The following CCDC25 variants were observed in gnomAD, a reference collection of about 807,000 sequenced individuals.
CCDC25 encodes coiled-coil domain containing 25.
CCDC25 carries 16 observed loss-of-function variants against 35.3 expected under a neutral mutation model. The observed-to-expected ratio is 0.45, with a 90% CI of 0.31 to 0.69. The LOEUF (loss-of-function observed/expected upper bound fraction) is 0.69. Ranked by LOEUF, CCDC25 falls within the 30% of genes least tolerant of loss-of-function variation. CCDC25 has a pLI of 0.06. For synonymous variants in CCDC25, 79 were observed against 80.3 expected, an observed-to-expected ratio of 0.98 and a Z score of 0.09; for missense variants, 179 against 250.7, an observed-to-expected ratio of 0.71 and a Z score of 1.93.
intron 3 of CCDC25, among the ~76,000 whole-genome samples, chr8:27,760,415 G>C (rs1191492241): frequency 6.6e-6 from 1 of 152,164 alleles, no homozygotes; most frequent in Non-Finnish European, 1.5e-5. Flanking sequence ...ATTCCCATGA[G>C]AGTCTGGAGA....
At chr8:27,761,957 T>C (rs944212709) in intron 3 of CCDC25, among the ~76,000 whole-genome samples, 11 of 152,118 alleles carry the variant, frequency 7.2e-5, no homozygotes, top group Admixed American at 6.5e-4. Context: ...CGGGGTTGGA[T>C]CAAGACAGAG....
intron 4 of CCDC25, 140 bp downstream of exon 4, chr8:27,756,579 G>A (rs966678153): frequency 6.6e-5 from 41 of 621,904 alleles, no homozygotes; most frequent in South Asian, 2.2e-4. Context: ...TGGGTCAGAG[G>A]GAAGACACGT....
chr8:27,772,569 C>T lies in CCDC25; in HGVS notation c.-29G>A. On this transcript the variant is annotated 5_prime_UTR_variant, in exon 1 of 9. Transcript: ENST00000356537. ...CCCGGGAGCGGTGCGGTGACTCCACCGCGGAGCAGCAGCGCTCAACTCACG... is the reference window on the plus strand; with the variant it reads ...CCCGGGAGCGGTGCGGTGACTCCACTGCGGAGCAGCAGCGCTCAACTCACG... 5 of 1,547,976 alleles carry T rather than the reference C, an allele frequency of 3.2e-6. No individual in the cohort carries two copies. Among genetic ancestry groups the T allele is most frequent in the Non-Finnish European group, 4.4e-6 (5 of 1,145,840 alleles).
chr8:27,748,427 G>T (rs572117238), intron 6 of CCDC25, 68 bp downstream of exon 6: 3 of 1,365,080 alleles, frequency 2.2e-6, no homozygotes, highest in Non-Finnish European at 3.1e-6. Context: ...AATGGTGTCA[G>T]ACAGAAAAGA....
chr8:27,759,868 T>C (rs1311871825), intron 3 of CCDC25, among the ~76,000 whole-genome samples: 1 of 151,954 alleles, frequency 6.6e-6, no homozygotes, highest in Non-Finnish European at 1.5e-5. Context: ...CAGGAGGTTT[T>C]CCGGGATAAA....
At chr8:27,764,085 T>A (rs913694872) in intron 2 of CCDC25, among the ~76,000 whole-genome samples, 1 of 152,184 alleles carries the variant, frequency 6.6e-6, no homozygotes, top group Non-Finnish European at 1.5e-5. Context: ...TCCACTTAAA[T>A]TGATGTTTCT....
chr8:27,772,500 G>A lies in CCDC25; in HGVS notation c.28+13C>T, dbSNP rs1804665114. On this transcript the variant is annotated intron_variant, in intron 1 of 8. Coordinates refer to ENST00000356537, the MANE Select transcript of CCDC25 (RefSeq NM_018246.3). ...TGTCCAGCAGGGTCCAGGAGGACGT[G>A]GCGCCCACTCACCGCTGCTGCTGGT... 1 of 1,550,034 alleles carries A rather than the reference G, an allele frequency of 6.5e-7. No homozygotes were observed. Among genetic ancestry groups the A allele is most frequent in the Non-Finnish European group, 8.7e-7 (1 of 1,146,610 alleles).
At chr8:27,736,310 A>G (rs1563439319) in intron 8 of CCDC25, 65 bp from the exon 9 acceptor site, 1 of 1,296,208 alleles carries the variant, frequency 7.7e-7, no homozygotes, top group African/African-American at 1.5e-5. Flanking sequence ...AAAATTTACA[A>G]TTATCTTAAT....
chr8:27,761,006 G>T (rs1246183764), intron 3 of CCDC25, among the ~76,000 whole-genome samples: 6 of 152,096 alleles, frequency 3.9e-5, no homozygotes, highest in Non-Finnish European at 8.8e-5. Flanking sequence ...ATGGGTGCCT[G>T]TAGTCCCAGC....
In CCDC25 at chr8:27,743,678, G is replaced by C. The variant is rs137950079; in HGVS notation, c.552-3161C>G. Among the ~76,000 whole-genome samples the C allele has an allele frequency of 1.4e-3, 217 of 152,304 alleles. 3 individuals are homozygous for C. The East Asian group carries it at 0.029, about 21-fold the overall frequency. On this transcript the variant is annotated intron_variant, in intron 7 of 8. Transcript: ENST00000356537. ...GGAGGCCAAGGCAGGAGGATCACTT[G>C]AGCTCAGGGGTTTGAGATTAGCCTG...
chr8:27,763,833 A>G (rs575764505), intron 2 of CCDC25, among the ~76,000 whole-genome samples: 9 of 152,340 alleles, frequency 5.9e-5, no homozygotes, highest in Admixed American at 3.9e-4. Context: ...AGAAAAGGAA[A>G]AGCAAAAGGA....
intron 3 of CCDC25, among the ~76,000 whole-genome samples, chr8:27,758,320 TA>T (rs1425747408): frequency 6.6e-6 from 1 of 152,224 alleles, no homozygotes; most frequent in African/African-American, 2.4e-5. Flanking sequence ...TGATTCTATA[TA>T]AAAGTGCCCT....
chr8:27,740,884 G>T (rs572225725), intron 7 of CCDC25, among the ~76,000 whole-genome samples: 1 of 152,102 alleles, frequency 6.6e-6, no homozygotes, highest in Non-Finnish European at 1.5e-5. Flanking sequence ...GATTGTAAAC[G>T]CTACAGGAAT....
rs763451016 is a variant in CCDC25, at chr8:27,769,410, A to C, written c.28+3103T>G. 1.0e-3 allele frequency among the ~76,000 whole-genome samples: 153 copies of C among 152,260 alleles called. 1 individual carries two copies. Among genetic ancestry groups the C allele is most frequent in the Admixed American group, 4.8e-3 (73 of 15,290 alleles). On this transcript the variant is annotated intron_variant, in intron 1 of 8. Transcript: ENST00000356537. ...AGAATTCAGAGTAACTTTAAGGGGA[A>C]TAGAACAGCACAAAATACATTCAGT...
At chr8:27,738,011 G>A (rs1803300460) in intron 8 of CCDC25, among the ~76,000 whole-genome samples, 1 of 152,134 alleles carries the variant, frequency 6.6e-6, no homozygotes, top group African/African-American at 2.4e-5. Context: ...AGTAACTCAG[G>A]AATGGAAAAC....
chr8:27,744,875 T>C (rs1428565081), intron 7 of CCDC25, among the ~76,000 whole-genome samples: 1 of 152,212 alleles, frequency 6.6e-6, no homozygotes, highest in African/African-American at 2.4e-5. Flanking sequence ...TGCATGAAAA[T>C]CAAGTTCATG....
chr8:27,746,345 T>C (rs977010780), intron 7 of CCDC25, among the ~76,000 whole-genome samples: 3 of 152,222 alleles, frequency 2.0e-5, no homozygotes, highest in Admixed American at 1.3e-4. Flanking sequence ...ACTATGGCTA[T>C]TGTTGGAATT....
intron 5 of CCDC25, among the ~76,000 whole-genome samples, chr8:27,750,794 G>C (rs184962610): frequency 6.6e-6 from 1 of 152,322 alleles, no homozygotes; most frequent in South Asian, 2.1e-4. Context: ...GCTGACCTAA[G>C]ATTCTAGACC....
intron 2 of CCDC25, among the ~76,000 whole-genome samples, chr8:27,764,099 G>A (rs766079361): frequency 7.9e-5 from 12 of 152,098 alleles, no homozygotes; most frequent in South Asian, 2.1e-4. Flanking sequence ...TGTTTCTATC[G>A]AGTTCTTGGT....
Sources: gnomAD v4.1 joint callset for allele counts (sites outside exome capture counted in the v4.1 genomes callset) on GRCh38, gnomAD v4.1.1 for gene constraint, MANE v1.5 for transcripts, NCBI Gene and HGNC (gene_info 2026-07-23, HGNC 2026-07-21) for gene names.